The following CTNNA3 variants were observed in gnomAD, a reference collection of about 807,000 sequenced individuals.
The protein encoded by CTNNA3 is catenin alpha 3, also known as catenin alpha-3.
Under a neutral mutation model 95.7 loss-of-function variants are expected in CTNNA3, and 76 were observed. The ratio of observed to expected loss-of-function variants is 0.79; its 90% CI spans 0.66 to 0.96. CTNNA3 has a LOEUF of 0.96. Ranked by LOEUF, CTNNA3 falls within the 40% of genes least tolerant of loss-of-function variation. CTNNA3 has a pLI of 0.00. For synonymous variants in CTNNA3, 431 were observed against 374.4 expected, an observed-to-expected ratio of 1.15 and a Z score of -1.74; for missense variants, 1,191 against 1,089.8, an observed-to-expected ratio of 1.09 and a Z score of -1.31.
At chr10:66,131,117 A>C (rs1267519893) in intron 13 of CTNNA3, among the ~76,000 whole-genome samples, 1 of 151,784 alleles carries the variant, frequency 6.6e-6, no homozygotes, top group Non-Finnish European at 1.5e-5. Flanking sequence ...AGACGGATTC[A>C]TAGCTGAATT....
intron 7 of CTNNA3, among the ~76,000 whole-genome samples, chr10:66,950,885 A>G (rs1348361275): frequency 2.0e-5 from 3 of 152,180 alleles, no homozygotes; most frequent in Non-Finnish European, 4.4e-5. Flanking sequence ...AGGTAAAGAA[A>G]TTGAGGTGTA....
At chr10:66,534,562 A>G (rs975051966) in intron 10 of CTNNA3, among the ~76,000 whole-genome samples, 1 of 149,560 alleles carries the variant, frequency 6.7e-6, no homozygotes, top group Non-Finnish European at 1.5e-5. Context: ...TATATATATA[A>G]AAGAGAAATA....
At chr10:66,373,285 A>C (rs1311580406) in intron 12 of CTNNA3, among the ~76,000 whole-genome samples, 2 of 152,082 alleles carry the variant, frequency 1.3e-5, no homozygotes, top group African/African-American at 4.8e-5. Context: ...TTCTTATTTT[A>C]GTTCTTTAAC....
Position 66,579,701 on chromosome 10 carries a change from C to T in CTNNA3, c.1374+41991G>A, listed in dbSNP as rs143290077. Reference sequence around the variant, plus strand: ...AATTATTTTATTGTTCCTTCATCTCCGAGAATTTCTTGATTTCTCCTTTAT... The same window carrying T: ...AATTATTTTATTGTTCCTTCATCTCTGAGAATTTCTTGATTTCTCCTTTAT... On this transcript the variant is annotated intron_variant, in intron 10 of 17. Transcript: ENST00000433211. Among the ~76,000 whole-genome samples the T allele has an allele frequency of 5.6e-3, 842 of 151,652 alleles. 7 individuals carry two copies. Among genetic ancestry groups the T allele is most frequent in the African/African-American group, 0.019 (799 of 41,434 alleles).
chr10:66,871,539 G>A (rs577784038), intron 7 of CTNNA3, among the ~76,000 whole-genome samples: 3 of 142,000 alleles, frequency 2.1e-5, no homozygotes, highest in African/African-American at 8.0e-5. Context: ...TCCAGCCTGG[G>A]CAACAAGAGT....
chr10:67,059,015 C>T (rs928627167), intron 7 of CTNNA3, among the ~76,000 whole-genome samples: 1 of 152,146 alleles, frequency 6.6e-6, no homozygotes, highest in Non-Finnish European at 1.5e-5. Flanking sequence ...TTAAATTCTG[C>T]TAATGCAGCC....
At chr10:66,789,082 C>T (rs1840864161) in intron 7 of CTNNA3, among the ~76,000 whole-genome samples, 1 of 152,152 alleles carries the variant, frequency 6.6e-6, no homozygotes, top group Non-Finnish European at 1.5e-5. Context: ...ACAAGTGTTA[C>T]AAGTACATGA....
intron 9 of CTNNA3, among the ~76,000 whole-genome samples, chr10:66,765,159 GA>G (rs1267322691): frequency 6.6e-6 from 1 of 152,174 alleles, no homozygotes; most frequent in Non-Finnish European, 1.5e-5. Context: ...TTGAGATCCA[GA>G]AAGAGAGTTT....
At chr10:66,425,691 CACACACACATATAT>C (rs1444852554) in intron 11 of CTNNA3, among the ~76,000 whole-genome samples, 3 of 151,092 alleles carry the variant, frequency 2.0e-5, no homozygotes, top group Admixed American at 2.0e-4. Context: ...TATATATACA[CACACACACATATAT>C]ACACACACAT....
intron 5 of CTNNA3, among the ~76,000 whole-genome samples, chr10:67,392,898 G>T (rs542299970): frequency 6.6e-6 from 1 of 152,042 alleles, no homozygotes; most frequent in Non-Finnish European, 1.5e-5. Flanking sequence ...ACACTCTGGG[G>T]ACTGTTGTGG....
intron 15 of CTNNA3, among the ~76,000 whole-genome samples, chr10:66,057,090 C>T (rs2080102360): frequency 6.6e-6 from 1 of 152,130 alleles, no homozygotes; most frequent in Non-Finnish European, 1.5e-5. Flanking sequence ...CAACAGTATC[C>T]CATCAGAAAA....
chr10:67,315,186 G>T (rs986333092), intron 5 of CTNNA3, among the ~76,000 whole-genome samples: 1 of 152,064 alleles, frequency 6.6e-6, no homozygotes, highest in Non-Finnish European at 1.5e-5. Context: ...TGTATCTTCA[G>T]CCCAACCTCT....
chr10:67,235,244 C>T (rs1230055693), intron 5 of CTNNA3, among the ~76,000 whole-genome samples: 4 of 146,180 alleles, frequency 2.7e-5, no homozygotes, highest in Non-Finnish European at 6.1e-5. Flanking sequence ...GGAGGCATCA[C>T]ACTACCTGAC....
intron 12 of CTNNA3, among the ~76,000 whole-genome samples, chr10:66,372,266 A>T (rs12266156): frequency 6.6e-6 from 1 of 152,192 alleles, no homozygotes; most frequent in Non-Finnish European, 1.5e-5. Flanking sequence ...CCTTCAGCAC[A>T]TAAAGATCCA....
At position 66,377,911 on chromosome 10, in the gene CTNNA3, C is replaced by A. The variant is rs139905738; in HGVS notation, c.1732+1241G>T. 5.4e-3 allele frequency among the ~76,000 whole-genome samples: 819 copies of A among 152,150 alleles called. 9 individuals are homozygous for A. The highest frequency in any genetic ancestry group is 0.014 in the African/African-American group (571 of 41,512). Reference sequence around the variant, plus strand: ...CGGTGACTTTGAGGAGTGGATATAGCAATATAAATTTAATAATATCAAGAG... The same window carrying A: ...CGGTGACTTTGAGGAGTGGATATAGAAATATAAATTTAATAATATCAAGAG... On this transcript the variant is annotated intron_variant, in intron 12 of 17. Coordinates refer to ENST00000433211, the MANE Select transcript of CTNNA3 (RefSeq NM_013266.4).
At chr10:66,321,509 C>T (rs540083728) in intron 12 of CTNNA3, among the ~76,000 whole-genome samples, 1 of 152,178 alleles carries the variant, frequency 6.6e-6, no homozygotes, top group Admixed American at 6.5e-5. Flanking sequence ...GTTTTAGAAT[C>T]ATTCAAGTTA....
chr10:67,190,845 A>T (rs1161892512), intron 6 of CTNNA3, among the ~76,000 whole-genome samples: 1 of 152,120 alleles, frequency 6.6e-6, no homozygotes, highest in Non-Finnish European at 1.5e-5. Context: ...TAAAAGGCAT[A>T]TCCGATAAAC....
chr10:67,018,586 T>C (rs1248228865), intron 7 of CTNNA3, among the ~76,000 whole-genome samples: 2 of 152,218 alleles, frequency 1.3e-5, no homozygotes, highest in African/African-American at 4.8e-5. Flanking sequence ...CTAGTGTTGT[T>C]ACCTAGTGAT....
intron 7 of CTNNA3, among the ~76,000 whole-genome samples, chr10:67,139,805 T>C (rs1860468053): frequency 6.6e-6 from 1 of 152,214 alleles, no homozygotes; most frequent in Non-Finnish European, 1.5e-5. Flanking sequence ...TCAGTGTGTT[T>C]ATAAAACAGC....
Sources: allele counts gnomAD v4.1 joint callset (sites outside exome capture counted in the v4.1 genomes callset), GRCh38; gene constraint gnomAD v4.1.1; transcripts MANE v1.5; gene names NCBI Gene and HGNC (gene_info 2026-07-23, HGNC 2026-07-21).